RBMS1: variants seen among roughly 807,000 people sequenced by gnomAD.
RBMS1 encodes the protein RNA binding motif single stranded interacting protein 1.
A neutral mutation model predicts 62.3 loss-of-function variants in RBMS1; 17 were observed. The ratio of observed to expected loss-of-function variants is 0.27; its 90% CI spans 0.19 to 0.41. RBMS1 has a LOEUF of 0.41. RBMS1 is among the 10% of genes least tolerant of loss of function. RBMS1 has a pLI of 1.00. For missense variants in RBMS1, 334 were observed against 504.5 expected, an observed-to-expected ratio of 0.66 and a Z score of 3.24; for synonymous variants, 172 against 170.0, an observed-to-expected ratio of 1.01 and a Z score of -0.09.
intron 1 of RBMS1, among the ~76,000 whole-genome samples, chr2:160,411,955 A>G (rs915967304): frequency 1.2e-4 from 18 of 152,224 alleles, no homozygotes; most frequent in African/African-American, 4.1e-4. Context: ...TAAAAGGAAA[A>G]CGAAAGTCTA....
At chr2:160,413,591 T>A (rs187752144) in intron 1 of RBMS1, among the ~76,000 whole-genome samples, 1 of 152,178 alleles carries the variant, frequency 6.6e-6, no homozygotes, top group South Asian at 2.1e-4. Flanking sequence ...CTAGAAGGTA[T>A]AGAGAACAAT....
At chr2:160,318,060 A>T (rs1314490141) in intron 3 of RBMS1, 109 bp downstream of exon 3, 6 of 1,465,762 alleles carry the variant, frequency 4.1e-6, no homozygotes, top group Non-Finnish European at 5.5e-6. Flanking sequence ...GATATATAAG[A>T]TCTGGTTTTT....
intron 1 of RBMS1, among the ~76,000 whole-genome samples, chr2:160,458,814 C>A (rs1015086872): frequency 6.7e-6 from 1 of 148,420 alleles, no homozygotes; most frequent in Non-Finnish European, 1.5e-5. Flanking sequence ...AAAAAAAAAT[C>A]TCCAAAGTAA....
At chr2:160,407,218 C>G (rs1199973014) in intron 1 of RBMS1, among the ~76,000 whole-genome samples, 2 of 152,088 alleles carry the variant, frequency 1.3e-5, no homozygotes, top group Non-Finnish European at 2.9e-5. Context: ...CGCTTCTGCC[C>G]TCGCCGGCTC....
Position 160,272,633 on chromosome 2 carries a change from G to C in RBMS1, c.*2139C>G, listed in dbSNP as rs981689994. Reference sequence around the variant, plus strand: ...CTAATGCAAAAATATCAAGTAGTGAGAGACCCAGGTTTATAACTGTACTAG... The same window carrying C: ...CTAATGCAAAAATATCAAGTAGTGACAGACCCAGGTTTATAACTGTACTAG... On this transcript the variant is annotated 3_prime_UTR_variant, in exon 14 of 14. Transcript: ENST00000348849. 1 of 152,096 alleles carries C rather than the reference G, an allele frequency of 6.6e-6. No homozygotes were observed. Among genetic ancestry groups the C allele is most frequent in the Admixed American group, 6.5e-5 (1 of 15,268 alleles). 9.4% of individuals were successfully genotyped at this position (152,096 alleles called of 1,614,324 possible). A position where few individuals can be genotyped will look rare whatever the true frequency, so the allele number is the denominator to read the frequency against.
chr2:160,483,354 T>C (rs1398959224), intron 1 of RBMS1, among the ~76,000 whole-genome samples: 1 of 152,192 alleles, frequency 6.6e-6, no homozygotes, highest in African/African-American at 2.4e-5. Flanking sequence ...TTCAATCTCA[T>C]TAGGAGTATA....
At chr2:160,326,174 C>T (rs560443389) in intron 2 of RBMS1, among the ~76,000 whole-genome samples, 20 of 152,122 alleles carry the variant, frequency 1.3e-4, no homozygotes, top group South Asian at 4.1e-4. Context: ...GAAGGGATTA[C>T]GGGAAAGATA....
intron 2 of RBMS1, among the ~76,000 whole-genome samples, chr2:160,359,096 C>T (rs536806599): frequency 6.6e-6 from 1 of 152,228 alleles, no homozygotes; most frequent in African/African-American, 2.4e-5. Context: ...TACACCATAA[C>T]CACTATCACC....
intron 1 of RBMS1, among the ~76,000 whole-genome samples, chr2:160,488,876 G>A (rs1685709440): frequency 6.6e-6 from 1 of 152,062 alleles, no homozygotes; most frequent in African/African-American, 2.4e-5. Context: ...AAAGCTAGAT[G>A]CCGAAATGGT....
intron 2 of RBMS1, among the ~76,000 whole-genome samples, chr2:160,322,652 T>A (rs886366037): frequency 2.6e-5 from 4 of 152,212 alleles, no homozygotes; most frequent in African/African-American, 9.6e-5. Flanking sequence ...TGGATTTACC[T>A]AAGGTGCTGA....
At chr2:160,419,848 A>G (rs1020019615) in intron 1 of RBMS1, among the ~76,000 whole-genome samples, 1 of 152,242 alleles carries the variant, frequency 6.6e-6, no homozygotes, top group African/African-American at 2.4e-5. Flanking sequence ...TTATGAGACT[A>G]CAGTCTGGAT....
chr2:160,436,956 A>T (rs2105294637), intron 1 of RBMS1, among the ~76,000 whole-genome samples: 1 of 152,326 alleles, frequency 6.6e-6, no homozygotes. Context: ...AGGTCTTTAT[A>T]CAGAAATTTG....
Position 160,450,472 on chromosome 2 carries a change from G to A in RBMS1, c.75+42817C>T, listed in dbSNP as rs567852554. 2.0e-5 allele frequency among the ~76,000 whole-genome samples: 3 copies of A among 150,464 alleles called. No homozygotes were observed. In the South Asian group the frequency reaches 6.3e-4, roughly 32 times the overall value. Reference sequence around the variant, plus strand: ...GGAAAATCGCTTGAACCCAGAGGGCGGAGGCTGCAGTGAGCCAAGATTGCA... The same window carrying A: ...GGAAAATCGCTTGAACCCAGAGGGCAGAGGCTGCAGTGAGCCAAGATTGCA... On this transcript the variant is annotated intron_variant, in intron 1 of 13. Transcript: ENST00000348849.
chr2:160,420,106 C>A (rs1050415098), intron 1 of RBMS1, among the ~76,000 whole-genome samples: 1 of 152,124 alleles, frequency 6.6e-6, no homozygotes, highest in Non-Finnish European at 1.5e-5. Context: ...TTGTTGTATA[C>A]CCTGCTTCCA....
intron 1 of RBMS1, among the ~76,000 whole-genome samples, chr2:160,490,673 A>G (rs1250872217): frequency 6.6e-6 from 1 of 152,200 alleles, no homozygotes; most frequent in Non-Finnish European, 1.5e-5. Flanking sequence ...TTTGGCATAT[A>G]TAACTTTTAA....
intron 2 of RBMS1, among the ~76,000 whole-genome samples, chr2:160,340,673 A>G (rs560033767): frequency 1.6e-4 from 25 of 151,756 alleles, no homozygotes; most frequent in Admixed American, 5.3e-4. Context: ...CACCATCCAG[A>G]AAAAAAAACC....
chr2:160,489,932 C>T (rs1412987417), intron 1 of RBMS1, among the ~76,000 whole-genome samples: 1 of 152,008 alleles, frequency 6.6e-6, no homozygotes, highest in Non-Finnish European at 1.5e-5. Context: ...TCAAAAGAAA[C>T]AGAATATTTC....
At chr2:160,426,789 A>G (rs566487302) in intron 1 of RBMS1, among the ~76,000 whole-genome samples, 1 of 152,284 alleles carries the variant, frequency 6.6e-6, no homozygotes, top group African/African-American at 2.4e-5. Flanking sequence ...TGACTTCTAA[A>G]CAACCTAGGG....
intron 9 of RBMS1, chr2:160,282,018 TGA>T (rs1688127520): frequency 3.0e-6 from 1 of 328,820 alleles, no homozygotes. Context: ...GAAATAGATG[TGA>T]GAGTCAGGTT....
Sources: allele counts gnomAD v4.1 joint callset (sites outside exome capture counted in the v4.1 genomes callset), GRCh38; gene constraint gnomAD v4.1.1; transcripts MANE v1.5; gene names NCBI Gene and HGNC (gene_info 2026-07-23, HGNC 2026-07-21).